The following ZNF831 variants were observed in gnomAD, a reference collection of about 807,000 sequenced individuals.
ZNF831 encodes chromosome 20 open reading frame 174.
ZNF831 carries 59 observed loss-of-function variants against 95.8 expected under a neutral mutation model. The ratio of observed to expected loss-of-function variants is 0.62; its 90% CI spans 0.50 to 0.77. The LOEUF is 0.77. Ranked by LOEUF, ZNF831 falls within the 30% of genes least tolerant of loss-of-function variation. ZNF831 has a pLI of 0.00. For synonymous variants in ZNF831, 961 were observed against 925.5 expected (o/e 1.04, Z -0.70); for missense variants, 2,205 against 2,164.0 (o/e 1.02, Z -0.38).
chr20:59,197,221 A>G (rs374801206), intron 3 of ZNF831, among the ~76,000 whole-genome samples: 2 of 152,174 alleles, frequency 1.3e-5, no homozygotes, highest in African/African-American at 2.4e-5. Flanking sequence ...GCCTCTATCA[A>G]TGGTCTGCCG....
At chr20:59,165,234 G>A (rs1322415430) in intron 1 of ZNF831, among the ~76,000 whole-genome samples, 6 of 152,130 alleles carry the variant, frequency 3.9e-5, no homozygotes, top group Non-Finnish European at 2.9e-5. Context: ...ACTATCAGGC[G>A]CCGTGGAGTT....
intron 1 of ZNF831, among the ~76,000 whole-genome samples, chr20:59,134,401 G>A (rs868328769): frequency 3.3e-5 from 5 of 152,240 alleles, no homozygotes; most frequent in Admixed American, 3.3e-4. Context: ...CATGTAGAAC[G>A]TCATTGATTG....
chr20:59,248,399 C>T (rs1264619154), intron 4 of ZNF831, among the ~76,000 whole-genome samples: 1 of 152,196 alleles, frequency 6.6e-6, no homozygotes, highest in Non-Finnish European at 1.5e-5. Flanking sequence ...CAGTTTAACA[C>T]ACTTCAGTGA....
intron 1 of ZNF831, among the ~76,000 whole-genome samples, chr20:59,143,785 G>A (rs1979755418): frequency 6.6e-6 from 1 of 152,152 alleles, no homozygotes. Context: ...TGTGTGCTGA[G>A]GATTGTATTG....
chr20:59,216,357 A>G (rs1403288656), intron 4 of ZNF831, among the ~76,000 whole-genome samples: 1 of 152,230 alleles, frequency 6.6e-6, no homozygotes, highest in Non-Finnish European at 1.5e-5. Context: ...TCTCTGCTTC[A>G]CTGGGCTAGG....
intron 5 of ZNF831, 121 bp downstream of exon 5, chr20:59,253,259 T>A: frequency 8.8e-7 from 1 of 1,130,934 alleles, no homozygotes; most frequent in South Asian, 1.7e-5. Flanking sequence ...TGAAGATTCG[T>A]GGCACAGAAA....
intron 1 of ZNF831, among the ~76,000 whole-genome samples, chr20:59,173,620 A>C (rs556853582): frequency 6.6e-6 from 1 of 152,284 alleles, no homozygotes; most frequent in Non-Finnish European, 1.5e-5. Context: ...ATTAATTGTG[A>C]TGCTTTTGTA....
chr20:59,177,626 G>A (rs1277278826), intron 1 of ZNF831, among the ~76,000 whole-genome samples: 1 of 152,166 alleles, frequency 6.6e-6, no homozygotes, highest in East Asian at 1.9e-4. Flanking sequence ...ATTCTTGTTA[G>A]GGATGCTCAC....
chr20:59,126,736 TG>T (rs1979183282), intron 1 of ZNF831, among the ~76,000 whole-genome samples: 1 of 152,256 alleles, frequency 6.6e-6, no homozygotes, highest in African/African-American at 2.4e-5. Flanking sequence ...TCAGCCACCT[TG>T]CACATGCTTG....
intron 1 of ZNF831, among the ~76,000 whole-genome samples, chr20:59,181,169 GTTTTC>G (rs2146518455): frequency 6.6e-6 from 1 of 152,298 alleles, no homozygotes; most frequent in Non-Finnish European, 1.5e-5. Flanking sequence ...CGCATAAATT[GTTTTC>G]TTTTGAGAAG....
At chr20:59,203,466 A>C (rs1218071470) in intron 3 of ZNF831, among the ~76,000 whole-genome samples, 1 of 152,184 alleles carries the variant, frequency 6.6e-6, no homozygotes, top group Non-Finnish European at 1.5e-5. Flanking sequence ...ACAGGCATGC[A>C]CCACCATGCC....
At chr20:59,229,965 A>G (rs1226250365) in intron 4 of ZNF831, among the ~76,000 whole-genome samples, 2 of 152,302 alleles carry the variant, frequency 1.3e-5, no homozygotes, top group Non-Finnish European at 2.9e-5. Flanking sequence ...AGGGGCACTA[A>G]ACATCACTGG....
intron 4 of ZNF831, among the ~76,000 whole-genome samples, chr20:59,212,185 GT>G (rs1376022863): frequency 1.3e-5 from 2 of 151,986 alleles, no homozygotes; most frequent in African/African-American, 2.4e-5. Context: ...TGGAGAGAGA[GT>G]TTTTTAAAAA....
At chr20:59,187,529 A>G (rs1983152164) in intron 1 of ZNF831, among the ~76,000 whole-genome samples, 1 of 152,186 alleles carries the variant, frequency 6.6e-6, no homozygotes, top group Non-Finnish European at 1.5e-5. Context: ...CACCCAATCT[A>G]GGGTATTTTT....
rs201079519 is a variant in ZNF831 at position 59,217,162 on chromosome 20, CTGTGTGTGTGTGTG to C, written c.4027+10126_4027+10139del. ...GAGTACATCTGACAGATCTTCATCT[CTGTGTGTGTGTGTG>C]TGTGTGTGTGTGTGTGTGTAACACA... On this transcript the variant is annotated intron_variant, in intron 4 of 5. Coordinates refer to ENST00000371030, the MANE Select transcript of ZNF831 (RefSeq NM_178457.3). The surrounding 1 kb of genome is among the most constrained non-coding windows in gnomAD (Gnocchi z 4.4). 6.7e-6 allele frequency among the ~76,000 whole-genome samples: 1 copy of C among 148,618 alleles called. No homozygotes were observed. The highest frequency in any genetic ancestry group is 2.5e-5 in the African/African-American group (1 of 40,146).
chr20:59,140,201 C>T (rs570534257), intron 1 of ZNF831, among the ~76,000 whole-genome samples: 11 of 152,306 alleles, frequency 7.2e-5, no homozygotes, highest in African/African-American at 2.6e-4. Flanking sequence ...ATCACAAAGA[C>T]ATCTGCTGTG....
intron 4 of ZNF831, among the ~76,000 whole-genome samples, chr20:59,229,503 G>A (rs905844130): frequency 2.6e-5 from 4 of 152,166 alleles, no homozygotes; most frequent in African/African-American, 7.2e-5. Flanking sequence ...GCATGAATAC[G>A]GGGAGTGGTG....
In ZNF831 at chr20:59,206,958, G is replaced by T; in HGVS notation, c.3929G>T (p.Arg1310Leu). The change falls in exon 4 of 6, where the codon CGC becomes CTC. Residue 1310 changes from arginine (R) to leucine (L), a missense_variant. By Grantham distance (102) the Arg-to-Leu change is moderately radical (BLOSUM62 -2). Coordinates refer to ENST00000371030, the MANE Select transcript of ZNF831 (RefSeq NM_178457.3). ...GTTCAGCTGAGAGCCAGTAGACTTC[G>T]CACACCAACCTGGGTGCGAAGAAGA... Reference protein sequence around the residue: ...SCVQLRASRLRTPTWVRRRSR... With the variant: ...SCVQLRASRLLTPTWVRRRSR... 6.2e-7 allele frequency: 1 copy of T among 1,614,170 alleles called. No homozygotes were observed. Among genetic ancestry groups the T allele is most frequent in the South Asian group, 1.1e-5 (1 of 91,078 alleles).
chr20:59,149,868 G>A (rs1980120962), intron 2 of ZNF831, among the ~76,000 whole-genome samples: 1 of 152,258 alleles, frequency 6.6e-6, no homozygotes, highest in Non-Finnish European at 1.5e-5. Context: ...TCTGAGCCGA[G>A]GCCCTGAGGG....
Sources: allele counts gnomAD v4.1 joint callset (sites outside exome capture counted in the v4.1 genomes callset), GRCh38; gene constraint gnomAD v4.1.1; non-coding constraint Gnocchi (gnomAD v3.1); transcripts MANE v1.5; gene names NCBI Gene and HGNC (gene_info 2026-07-23, HGNC 2026-07-21).